Variants in TENM2 observed in about 807,000 individuals in gnomAD.
TENM2 encodes teneurin-2.
Under a neutral mutation model 245.2 loss-of-function variants are expected in TENM2, and 52 were observed. The observed-to-expected ratio is 0.21, with a 90% CI of 0.17 to 0.27. The LOEUF (loss-of-function observed/expected upper bound fraction) is 0.27, where lower values mean the gene tolerates loss of function less well. Ranked by LOEUF, TENM2 falls within the 10% of genes least tolerant of loss-of-function variation. The pLI is 1.00. For synonymous variants in TENM2, 1,363 were observed against 1,438.9 expected (o/e 0.95, Z 1.19); for missense variants, 3,046 against 3,666.8 (o/e 0.83, Z 4.37).
the TENM2 span, among the ~76,000 whole-genome samples, chr5:167,228,978 G>A: frequency 6.6e-6 from 1 of 152,192 alleles, no homozygotes; most frequent in Non-Finnish European, 1.5e-5. Context: ...GGGATTACAG[G>A]CGTGAGCCAC....
At chr5:168,137,024 G>A (rs1217970002) in intron 12 of TENM2, among the ~76,000 whole-genome samples, 1 of 152,128 alleles carries the variant, frequency 6.6e-6, no homozygotes, top group Non-Finnish European at 1.5e-5. Context: ...ACAGCTCTTT[G>A]AGGCCACTCC....
intron 7 of TENM2, among the ~76,000 whole-genome samples, chr5:168,089,768 A>G (rs1792762886): frequency 6.6e-6 from 1 of 152,246 alleles, no homozygotes; most frequent in Non-Finnish European, 1.5e-5. Flanking sequence ...CAAGATAGGT[A>G]CCAAATCAGG....
chr5:167,373,347 A>G (rs1760554238), intron 1 of TENM2, among the ~76,000 whole-genome samples: 1 of 152,236 alleles, frequency 6.6e-6, no homozygotes, highest in Non-Finnish European at 1.5e-5. Flanking sequence ...AGGCTACCAT[A>G]GAGTGTCAAG....
chr5:167,030,839 T>C, the TENM2 span, among the ~76,000 whole-genome samples: 2 of 152,138 alleles, frequency 1.3e-5, no homozygotes, highest in African/African-American at 4.8e-5. Flanking sequence ...GACACCCCTG[T>C]TATTTACCAC....
At chr5:167,978,864 C>T (rs1487255940) in intron 4 of TENM2, among the ~76,000 whole-genome samples, 1 of 152,114 alleles carries the variant, frequency 6.6e-6, no homozygotes, top group Non-Finnish European at 1.5e-5. Context: ...GCGTGTCACC[C>T]TCTGTATAAA....
chr5:167,341,114 G>C (rs1758075171), intron 1 of TENM2, among the ~76,000 whole-genome samples: 2 of 152,176 alleles, frequency 1.3e-5, no homozygotes, highest in Non-Finnish European at 2.9e-5. Flanking sequence ...GGTCTCTGCT[G>C]TTCCTGTTTG....
At chr5:167,180,779 G>A in the TENM2 span, among the ~76,000 whole-genome samples, 296 of 152,070 alleles carry the variant, frequency 1.9e-3, 2 homozygotes, top group African/African-American at 6.7e-3. Flanking sequence ...TATTCATTAA[G>A]TGGAAATGGA....
At chr5:167,020,839 G>T in the TENM2 span, among the ~76,000 whole-genome samples, 1 of 152,166 alleles carries the variant, frequency 6.6e-6, no homozygotes, top group Non-Finnish European at 1.5e-5. Context: ...AAGGGATGGA[G>T]AAGACTCTTA....
the TENM2 span, among the ~76,000 whole-genome samples, chr5:167,132,605 C>G: frequency 6.6e-6 from 1 of 152,122 alleles, no homozygotes; most frequent in Non-Finnish European, 1.5e-5. Context: ...AAGTCCTCCC[C>G]AATCCCCTGC....
intron 3 of TENM2, among the ~76,000 whole-genome samples, chr5:167,897,032 G>A (rs1387974289): frequency 1.3e-5 from 2 of 152,176 alleles, no homozygotes; most frequent in East Asian, 1.9e-4. Flanking sequence ...GTTGGTCTAC[G>A]ATGGCAGAAA....
intron 4 of TENM2, among the ~76,000 whole-genome samples, chr5:167,972,873 C>G (rs1781897138): frequency 6.6e-6 from 1 of 152,120 alleles, no homozygotes; most frequent in Admixed American, 6.6e-5. Flanking sequence ...GTATGAGAAA[C>G]AGACATAGCT....
At chr5:168,058,380 C>T (rs898135078) in intron 6 of TENM2, among the ~76,000 whole-genome samples, 4 of 152,160 alleles carry the variant, frequency 2.6e-5, no homozygotes, top group Non-Finnish European at 5.9e-5. Flanking sequence ...TGCCTGACCT[C>T]AGGGAGCACA....
At chr5:167,907,569 A>ATG (rs1157259270) in intron 3 of TENM2, among the ~76,000 whole-genome samples, 2 of 108,258 alleles carry the variant, frequency 1.8e-5, no homozygotes, top group Non-Finnish European at 4.0e-5. Context: ...ATATATATAT[A>ATG]TATGTATGTA....
the TENM2 span, among the ~76,000 whole-genome samples, chr5:167,020,181 A>G: frequency 2.0e-5 from 3 of 152,148 alleles, no homozygotes; most frequent in Non-Finnish European, 4.4e-5. Context: ...TTTGCTCACA[A>G]ACACTTTTGG....
the TENM2 span, among the ~76,000 whole-genome samples, chr5:167,032,183 C>A: frequency 9.9e-5 from 15 of 152,114 alleles, 1 homozygote; most frequent in Admixed American, 9.8e-4. Context: ...ATTTTATGAG[C>A]TTTCGTAGAA....
At chr5:168,070,824 A>AGAAAG (rs756021360) in intron 7 of TENM2, among the ~76,000 whole-genome samples, 1 of 145,656 alleles carries the variant, frequency 6.9e-6, no homozygotes. Flanking sequence ...AGAGAGAAAA[A>AGAAAG]AAGAAAGAAG....
In TENM2 at chr5:167,310,425, T is replaced by G. The variant is rs116676544; in HGVS notation, c.226+25362T>G. Among the ~76,000 whole-genome samples the G allele has an allele frequency of 4.6e-3, 695 of 152,252 alleles. 2 individuals carry two copies. The highest frequency in any genetic ancestry group is 8.5e-3 in the Admixed American group (130 of 15,284). On this transcript the variant is annotated intron_variant, in intron 1 of 28. Transcript: ENST00000518659. ...AGAAAGTCCTCCTTAGAGTACACAG[T>G]GCTAGTGTTTATTGATGCTATCACC...
In TENM2 at chr5:168,247,823, G is replaced by C. The variant is rs758497639; in HGVS notation, c.6884G>C (p.Gly2295Ala). The stretch of plus-strand genomic sequence containing the variant: ...ACAAGAGCCTACAACAAGGCCAGCG[G>C]GTGGAGTGTCCAGTACCGCTATGAT... Residue 2295 changes from glycine to alanine, a missense_variant, in exon 27 of 29, where the codon GGG (glycine) becomes GCG (alanine). Gly to Ala is a moderately conservative substitution (Grantham distance 60). Coordinates refer to ENST00000518659, the Ensembl canonical transcript of TENM2. The surrounding 1 kb of genome is among the most constrained non-coding windows in gnomAD (Gnocchi z 7.8). The C allele has an allele frequency of 1.2e-6, 2 of 1,613,870 alleles. No individual in the cohort carries two copies. Among genetic ancestry groups the C allele is most frequent in the Middle Eastern group, 1.6e-4 (1 of 6,084 alleles).
chr5:167,289,917 T>C, intron 1 of TENM2, among the ~76,000 whole-genome samples: 1 of 152,218 alleles, frequency 6.6e-6, no homozygotes, highest in Non-Finnish European at 1.5e-5. Flanking sequence ...CACTTTAATT[T>C]ACCTACAAAG....
Sources: allele counts gnomAD v4.1 joint callset (sites outside exome capture counted in the v4.1 genomes callset), GRCh38; gene constraint gnomAD v4.1.1; non-coding constraint Gnocchi (gnomAD v3.1); transcripts MANE v1.5; gene names NCBI Gene and HGNC (gene_info 2026-07-23, HGNC 2026-07-21).